CHRM3: variants seen among roughly 807,000 people sequenced by gnomAD.
The protein encoded by CHRM3 is muscarinic acetylcholine receptor M3.
A neutral mutation model predicts 41.8 loss-of-function variants in CHRM3; 11 were observed. That is an observed-to-expected ratio of 0.26 (90% CI 0.17 to 0.44). The LOEUF (loss-of-function observed/expected upper bound fraction) is 0.44, where lower values mean the gene tolerates loss of function less well. CHRM3 is among the 20% of genes least tolerant of loss of function. The pLI, the probability that CHRM3 is intolerant of heterozygous loss-of-function variation, is 1.00. For missense variants in CHRM3, 571 were observed against 745.4 expected (o/e 0.77, Z 2.72); for synonymous variants, 297 against 301.4 (o/e 0.99, Z 0.15).
In CHRM3 at chr1:239,652,418, A is replaced by G. The variant is rs77702862; in HGVS notation, c.-250+20132A>G. On this transcript the variant is annotated intron_variant, in intron 4 of 6. Transcript: ENST00000676153. ...CTTGTTTCCTCACCTGTGTGATATA[A>G]TCATAGGTACCTCATAAATACTACT... is the stretch of plus-strand genomic sequence containing the variant. Among the ~76,000 whole-genome samples the G allele has an allele frequency of 5.8e-3, 878 of 152,326 alleles. 12 individuals carry two copies. Among genetic ancestry groups the G allele is most frequent in the African/African-American group, 0.02 (827 of 41,572 alleles).
At chr1:239,779,846 A>G (rs962226959) in intron 5 of CHRM3, among the ~76,000 whole-genome samples, 2 of 152,160 alleles carry the variant, frequency 1.3e-5, no homozygotes, top group East Asian at 1.9e-4. Flanking sequence ...GTCTCCATAT[A>G]TTTGCCTTTT....
intron 6 of CHRM3, among the ~76,000 whole-genome samples, chr1:239,868,731 C>T (rs561719422): frequency 6.6e-6 from 1 of 152,270 alleles, no homozygotes; most frequent in East Asian, 1.9e-4. Flanking sequence ...GGACCCTGAT[C>T]CTTCAGTCCA....
At chr1:239,544,360 T>G (rs771093528) in intron 2 of CHRM3, among the ~76,000 whole-genome samples, 3 of 152,204 alleles carry the variant, frequency 2.0e-5, no homozygotes, top group African/African-American at 7.2e-5. Flanking sequence ...AATCTATAGG[T>G]AAAACGTGGA....
intron 6 of CHRM3, among the ~76,000 whole-genome samples, chr1:239,864,650 C>T (rs759860462): frequency 3.4e-4 from 51 of 152,090 alleles, no homozygotes; most frequent in Non-Finnish European, 4.4e-4. Flanking sequence ...GACTAGAAAC[C>T]TTTTCATTAA....
intron 3 of CHRM3, among the ~76,000 whole-genome samples, chr1:239,580,689 T>TTATATATATATATA (rs1165930612): frequency 0.16 from 10,416 of 63,962 alleles, 1,315 homozygotes; most frequent in Middle Eastern, 0.28. Flanking sequence ...TTGCCCAATT[T>TTATATATATATATA]TATATATATA....
chr1:239,525,467 A>AT (rs142225151), intron 2 of CHRM3, among the ~76,000 whole-genome samples: 15,993 of 151,968 alleles, frequency 0.11, 1,070 homozygotes, highest in African/African-American at 0.18. Context: ...TTTTTTTAAA[A>AT]TTATTTTAAC....
intron 4 of CHRM3, among the ~76,000 whole-genome samples, chr1:239,662,633 G>T (rs577989683): frequency 1.1e-3 from 171 of 152,260 alleles, no homozygotes; most frequent in Non-Finnish European, 2.1e-3. Flanking sequence ...CTCAGGACAG[G>T]TATCCAGAGA....
intron 1 of CHRM3, among the ~76,000 whole-genome samples, chr1:239,446,325 A>C (rs1664153864): frequency 6.6e-6 from 1 of 152,254 alleles, no homozygotes; most frequent in African/African-American, 2.4e-5. Flanking sequence ...AAACTGAATA[A>C]GAAATCAAAT....
intron 6 of CHRM3, among the ~76,000 whole-genome samples, chr1:239,859,817 TTTTATATATATA>T (rs1558186081): frequency 2.6e-5 from 2 of 77,396 alleles, no homozygotes; most frequent in South Asian, 4.4e-4. Context: ...GTTCTAAGTG[TTTTATATATATA>T]TATATATATA....
intron 5 of CHRM3, among the ~76,000 whole-genome samples, chr1:239,701,232 T>A (rs140848623): frequency 6.6e-6 from 1 of 152,340 alleles, no homozygotes; most frequent in East Asian, 1.9e-4. Flanking sequence ...TCAGTTCAAC[T>A]AGGCAGAATT....
rs1044579084 is a variant in CHRM3, at chr1:239,514,294, T to G, written c.-422+21487T>G. On this transcript the variant is annotated intron_variant, in intron 2 of 6. Transcript: ENST00000676153. ...GGAATGTCTCTCCATTTATAGTTCTTTGATTTCTTTCATTGGAGTTTTGAA... is the reference window on the plus strand; with the variant it reads ...GGAATGTCTCTCCATTTATAGTTCTGTGATTTCTTTCATTGGAGTTTTGAA... 9.9e-5 allele frequency among the ~76,000 whole-genome samples: 15 copies of G among 152,168 alleles called. No homozygotes were observed. The East Asian group carries it at 2.9e-3, about 29-fold the overall frequency.
At chr1:239,456,733 G>C (rs965202501) in intron 1 of CHRM3, among the ~76,000 whole-genome samples, 1 of 152,170 alleles carries the variant, frequency 6.6e-6, no homozygotes, top group African/African-American at 2.4e-5. Flanking sequence ...TGGAACTGGG[G>C]CTGTGGAAGA....
At chr1:239,541,010 G>A (rs987424939) in intron 2 of CHRM3, among the ~76,000 whole-genome samples, 1 of 151,932 alleles carries the variant, frequency 6.6e-6, no homozygotes, top group African/African-American at 2.4e-5. Context: ...TTAAGAACTC[G>A]GTGTACAACA....
intron 6 of CHRM3, among the ~76,000 whole-genome samples, chr1:239,874,301 A>ATC (rs1232342696): frequency 6.5e-5 from 8 of 123,810 alleles, no homozygotes; most frequent in African/African-American, 2.9e-4. Context: ...ATATATATAT[A>ATC]TATATATATA....
intron 5 of CHRM3, among the ~76,000 whole-genome samples, chr1:239,746,197 A>G (rs1665336209): frequency 6.6e-6 from 1 of 152,250 alleles, no homozygotes; most frequent in South Asian, 2.1e-4. Flanking sequence ...GGTGCCAGGC[A>G]TCTGTATACC....
At chr1:239,783,220 C>T (rs1668637066) in intron 5 of CHRM3, among the ~76,000 whole-genome samples, 1 of 151,552 alleles carries the variant, frequency 6.6e-6, no homozygotes, top group Non-Finnish European at 1.5e-5. Flanking sequence ...ATTGGATTCA[C>T]CTGTTTCTTT....
chr1:239,627,852 A>T lies in CHRM3; in HGVS notation c.-312-4372A>T, dbSNP rs546635045. 3.5e-3 allele frequency among the ~76,000 whole-genome samples: 522 copies of T among 150,628 alleles called. 5 individuals are homozygous for T. The highest frequency in any genetic ancestry group is 6.5e-3 in the Non-Finnish European group (442 of 67,744). On this transcript the variant is annotated intron_variant, in intron 3 of 6. Coordinates refer to ENST00000676153, the MANE Select transcript of CHRM3 (RefSeq NM_001375978.1). ...GGCCCCCACTCTCTTCTGGCTTGTA[A>T]GGTTTCTGCCGAGAGATCCGCTGTT...
intron 3 of CHRM3, among the ~76,000 whole-genome samples, chr1:239,557,245 T>A (rs1300509677): frequency 6.6e-6 from 1 of 152,184 alleles, no homozygotes; most frequent in African/African-American, 2.4e-5. Flanking sequence ...TCTGTCAGTG[T>A]GATTCAAACC....
chr1:239,869,592 C>G (rs781466342), intron 6 of CHRM3, among the ~76,000 whole-genome samples: 1 of 152,086 alleles, frequency 6.6e-6, no homozygotes, highest in Non-Finnish European at 1.5e-5. Flanking sequence ...ACAGATCACA[C>G]CCTCTGGAAT....
Sources: gnomAD v4.1 joint callset for allele counts (sites outside exome capture counted in the v4.1 genomes callset) on GRCh38, gnomAD v4.1.1 for gene constraint, MANE v1.5 for transcripts, NCBI Gene and HGNC (gene_info 2026-07-23, HGNC 2026-07-21) for gene names.